PIP5K1B: variants seen among roughly 807,000 people sequenced by gnomAD.
PIP5K1B encodes the protein phosphatidylinositol-4-phosphate 5-kinase type 1 beta.
Under a neutral mutation model 67.0 loss-of-function variants are expected in PIP5K1B, and 42 were observed. The observed-to-expected ratio is 0.63, with a 90% CI of 0.49 to 0.81. The LOEUF (loss-of-function observed/expected upper bound fraction) is 0.81, where lower values mean the gene tolerates loss of function less well. Among genes scored for constraint, PIP5K1B ranks in the 30% least tolerant of loss-of-function variants. PIP5K1B has a pLI of 0.00. For missense variants in PIP5K1B, 459 were observed against 646.3 expected, an observed-to-expected ratio of 0.71 and a Z score of 3.14; for synonymous variants, 214 against 231.4, an observed-to-expected ratio of 0.92 and a Z score of 0.68.
intron 3 of PIP5K1B, among the ~76,000 whole-genome samples, chr9:68,819,105 T>C (rs1833601440): frequency 6.6e-6 from 1 of 152,242 alleles, no homozygotes; most frequent in African/African-American, 2.4e-5. Context: ...TACAGTTTAG[T>C]ACATTTACAA....
intron 8 of PIP5K1B, among the ~76,000 whole-genome samples, chr9:68,917,256 G>A (rs1268389031): frequency 2.0e-5 from 3 of 152,190 alleles, no homozygotes; most frequent in African/African-American, 7.2e-5. Context: ...ACTGGCACAT[G>A]GAAAGTACTC....
At chr9:68,828,178 G>A (rs1327635280) in intron 4 of PIP5K1B, among the ~76,000 whole-genome samples, 2 of 152,200 alleles carry the variant, frequency 1.3e-5, no homozygotes, top group Non-Finnish European at 2.9e-5. Context: ...TCACCCTGAG[G>A]TTGTCGTTCT....
intron 2 of PIP5K1B, among the ~76,000 whole-genome samples, chr9:68,759,263 G>T (rs1830078489): frequency 6.6e-6 from 1 of 152,108 alleles, no homozygotes; most frequent in Non-Finnish European, 1.5e-5. Context: ...TGTCTGATGA[G>T]GTTTTCAATG....
chr9:68,793,326 G>T (rs1832104393), intron 2 of PIP5K1B, among the ~76,000 whole-genome samples: 1 of 152,148 alleles, frequency 6.6e-6, no homozygotes, highest in South Asian at 2.1e-4. Context: ...ATCTGTCTTA[G>T]ATTTTAATAG....
At chr9:68,824,305 GA>G (rs1833877063) in intron 4 of PIP5K1B, 1 of 513,454 alleles carries the variant, frequency 1.9e-6, no homozygotes, top group Admixed American at 2.0e-5. Flanking sequence ...AAAAGTTATA[GA>G]AAAAATGTGA....
At chr9:68,740,069 C>T (rs1007852317) in intron 1 of PIP5K1B, among the ~76,000 whole-genome samples, 2 of 152,168 alleles carry the variant, frequency 1.3e-5, no homozygotes, top group African/African-American at 2.4e-5. Context: ...AGCTCCCCAC[C>T]CTTTGCCTAG....
At position 68,905,206 on chromosome 9, in the gene PIP5K1B, A is replaced by G. The variant is rs565917176; in HGVS notation, c.771+10568A>G. 2.6e-5 allele frequency among the ~76,000 whole-genome samples: 4 copies of G among 152,222 alleles called. No homozygotes were observed. In the South Asian group the frequency reaches 6.2e-4, roughly 24 times the overall value. ...GAGCAAAGGGAAGGAAATGCCCCCA[A>G]GGACCCCTCTTCTCCTCCCTGTTGA... On this transcript the variant is annotated intron_variant, in intron 8 of 15. Coordinates refer to ENST00000265382, the MANE Select transcript of PIP5K1B (RefSeq NM_003558.4).
At chr9:68,974,631 A>T (rs1406597881) in intron 14 of PIP5K1B, among the ~76,000 whole-genome samples, 1 of 152,222 alleles carries the variant, frequency 6.6e-6, no homozygotes, top group Non-Finnish European at 1.5e-5. Context: ...GATTAGTCAG[A>T]TCAGAACTTG....
At chr9:68,816,328 C>T (rs1215904845) in intron 2 of PIP5K1B, among the ~76,000 whole-genome samples, 1 of 152,062 alleles carries the variant, frequency 6.6e-6, no homozygotes, top group Admixed American at 6.6e-5. Context: ...AGGGTTTCAC[C>T]ATAATGGCCA....
At chr9:68,883,092 A>G (rs948115978) in intron 6 of PIP5K1B, among the ~76,000 whole-genome samples, 1 of 152,154 alleles carries the variant, frequency 6.6e-6, no homozygotes, top group African/African-American at 2.4e-5. Context: ...CACTTTAAAA[A>G]CTTCCAGTGA....
intron 2 of PIP5K1B, among the ~76,000 whole-genome samples, chr9:68,756,713 C>T (rs533385611): frequency 4.1e-4 from 63 of 152,220 alleles, no homozygotes; most frequent in South Asian, 2.9e-3. Flanking sequence ...TCTGGAATTT[C>T]AGCTTAAAAT....
chr9:68,807,052 A>G (rs1470467633), intron 2 of PIP5K1B, among the ~76,000 whole-genome samples: 5 of 152,146 alleles, frequency 3.3e-5, no homozygotes, highest in Middle Eastern at 3.4e-3. Flanking sequence ...AGCCAAGTAA[A>G]AGTATTAACT....
At chr9:69,002,361 T>C (rs923960633) in intron 15 of PIP5K1B, among the ~76,000 whole-genome samples, 3 of 152,232 alleles carry the variant, frequency 2.0e-5, no homozygotes, top group African/African-American at 7.2e-5. Flanking sequence ...GATCTGAGCG[T>C]GCCTAAGTTT....
intron 8 of PIP5K1B, among the ~76,000 whole-genome samples, chr9:68,910,229 C>G (rs954645383): frequency 6.6e-6 from 1 of 152,186 alleles, no homozygotes; most frequent in Non-Finnish European, 1.5e-5. Context: ...AGCTGTATGC[C>G]TACTAAACAG....
At chr9:68,734,505 G>A (rs996237203) in intron 1 of PIP5K1B, among the ~76,000 whole-genome samples, 12 of 152,242 alleles carry the variant, frequency 7.9e-5, no homozygotes, top group African/African-American at 2.9e-4. Flanking sequence ...TTGAGTGGTT[G>A]ACCAGTGAAG....
intron 14 of PIP5K1B, among the ~76,000 whole-genome samples, chr9:68,976,808 A>G (rs1400232527): frequency 6.6e-6 from 1 of 152,128 alleles, no homozygotes; most frequent in Non-Finnish European, 1.5e-5. Flanking sequence ...CCTAAGGCAG[A>G]GCTTAGGCAG....
chr9:68,779,505 T>C (rs1831102048), intron 2 of PIP5K1B, among the ~76,000 whole-genome samples: 1 of 152,228 alleles, frequency 6.6e-6, no homozygotes, highest in Non-Finnish European at 1.5e-5. Flanking sequence ...TTTCAGTTGC[T>C]GTTACACCCA....
At chr9:68,912,282 G>C (rs1825893962) in intron 8 of PIP5K1B, among the ~76,000 whole-genome samples, 2 of 152,098 alleles carry the variant, frequency 1.3e-5, no homozygotes, top group African/African-American at 4.8e-5. Flanking sequence ...CACAGTGCGT[G>C]GCACTCAAAC....
At chr9:68,805,615 G>A (rs1832832170) in intron 2 of PIP5K1B, among the ~76,000 whole-genome samples, 1 of 152,190 alleles carries the variant, frequency 6.6e-6, no homozygotes, top group Non-Finnish European at 1.5e-5. Context: ...AGAGTCAATA[G>A]TGAAGCTGGG....
Sources: gnomAD v4.1 joint callset for allele counts (sites outside exome capture counted in the v4.1 genomes callset) on GRCh38, gnomAD v4.1.1 for gene constraint, MANE v1.5 for transcripts, NCBI Gene and HGNC (gene_info 2026-07-23, HGNC 2026-07-21) for gene names.